Variants in ADAMTS6 observed in about 807,000 individuals in gnomAD.
ADAMTS6 encodes the protein A disintegrin and metalloproteinase with thrombospondin motifs 6.
In ADAMTS6, 23 loss-of-function variants were observed where a neutral mutation model predicts 144.3. The observed-to-expected ratio is 0.16, with a 90% CI of 0.11 to 0.23. The LOEUF (loss-of-function observed/expected upper bound fraction) is 0.23. Ranked by LOEUF, ADAMTS6 falls within the 10% of genes least tolerant of loss-of-function variation. The probability of loss-of-function intolerance (pLI) is 1.00; values close to 1 mark genes in which losing one functional copy is unlikely to be tolerated. For synonymous variants in ADAMTS6, 444 were observed against 457.5 expected (o/e 0.97, Z 0.38); for missense variants, 999 against 1,379.6 (o/e 0.72, Z 4.37).
intron 24 of ADAMTS6, among the ~76,000 whole-genome samples, chr5:65,154,498 C>A (rs1752303740): frequency 6.6e-6 from 1 of 152,192 alleles, no homozygotes; most frequent in Non-Finnish European, 1.5e-5. Context: ...TTATGAGTGT[C>A]CCCTGAGTTG....
rs554650070 is a variant in ADAMTS6 at position 65,183,317 on chromosome 5, A to G, written c.2910+4699T>C. 3.9e-5 allele frequency among the ~76,000 whole-genome samples: 6 copies of G among 152,322 alleles called. No homozygotes were observed. The East Asian group carries it at 1.2e-3, about 29-fold the overall frequency. On this transcript the variant is annotated intron_variant, in intron 22 of 24. Coordinates refer to ENST00000381055, the MANE Select transcript of ADAMTS6 (RefSeq NM_197941.4). ...AGTTTCAGTTGCCAACAATCAACTG[A>G]AGTCTGAAAATAGATGAGTACAGTA... is the stretch of plus-strand genomic sequence containing the variant.
chr5:65,304,952 C>T (rs961077753), intron 9 of ADAMTS6, among the ~76,000 whole-genome samples: 3 of 151,550 alleles, frequency 2.0e-5, no homozygotes, highest in Non-Finnish European at 4.4e-5. Context: ...TTGCTGGGGA[C>T]AATAAATGAA....
At chr5:65,416,943 C>A (rs187472612) in intron 7 of ADAMTS6, among the ~76,000 whole-genome samples, 6 of 151,886 alleles carry the variant, frequency 4.0e-5, no homozygotes, top group Admixed American at 1.3e-4. Context: ...AACTACAGAC[C>A]AATATCCCTG....
chr5:65,480,743 G>A (rs1305929426), intron 1 of ADAMTS6, among the ~76,000 whole-genome samples: 1 of 152,104 alleles, frequency 6.6e-6, no homozygotes, highest in African/African-American at 2.4e-5. Flanking sequence ...GCTCCGGAGG[G>A]TTATGAGTCT....
At chr5:65,462,633 T>C (rs1759709915) in intron 3 of ADAMTS6, among the ~76,000 whole-genome samples, 1 of 152,208 alleles carries the variant, frequency 6.6e-6, no homozygotes, top group Non-Finnish European at 1.5e-5. Context: ...TCTCTTATCC[T>C]CTAAGGGCTG....
chr5:65,412,630 A>G (rs1755146531), intron 7 of ADAMTS6, among the ~76,000 whole-genome samples: 2 of 152,204 alleles, frequency 1.3e-5, no homozygotes, highest in African/African-American at 2.4e-5. Flanking sequence ...GGCATTTTGC[A>G]TACATCTGCA....
rs116826904 is a variant in ADAMTS6 at position 65,313,326 on chromosome 5, A to G, written c.1224-13195T>C. On this transcript the variant is annotated intron_variant, in intron 9 of 24. Coordinates refer to ENST00000381055, the MANE Select transcript of ADAMTS6 (RefSeq NM_197941.4). Reference sequence around the variant, plus strand: ...TTTATTTTAATAACTTTTCTAAAGAATGTCTTTACGTTATTGTTTTAGCTA... The same window carrying G: ...TTTATTTTAATAACTTTTCTAAAGAGTGTCTTTACGTTATTGTTTTAGCTA... 9.2e-3 allele frequency among the ~76,000 whole-genome samples: 1,405 copies of G among 152,186 alleles called. 16 individuals carry two copies. The highest frequency in any genetic ancestry group is 0.032 in the African/African-American group (1,346 of 41,540).
At chr5:65,262,780 G>A in intron 13 of ADAMTS6, 37 bp downstream of exon 13, 1 of 1,474,626 alleles carries the variant, frequency 6.8e-7, no homozygotes, top group South Asian at 1.4e-5. Context: ...TTCCAACTGT[G>A]TCTTTTTGTT....
At chr5:65,344,125 C>G (rs1373440312) in intron 7 of ADAMTS6, among the ~76,000 whole-genome samples, 1 of 151,810 alleles carries the variant, frequency 6.6e-6, no homozygotes, top group African/African-American at 2.4e-5. Flanking sequence ...TTTGCCCTGG[C>G]AAAACTGTCC....
chr5:65,416,166 AC>A, intron 7 of ADAMTS6: 1 of 177,362 alleles, frequency 5.6e-6, no homozygotes, highest in South Asian at 1.4e-4. Context: ...CCCCATCAAG[AC>A]CCACTCCAGA....
At chr5:65,242,013 A>G (rs1759232962) in intron 15 of ADAMTS6, 91 bp downstream of exon 15, 2 of 820,950 alleles carry the variant, frequency 2.4e-6, no homozygotes, top group Non-Finnish European at 3.6e-6. Context: ...TAGTATGTAC[A>G]TGAATGTATG....
At chr5:65,455,329 G>C (rs1432354838) in intron 4 of ADAMTS6, among the ~76,000 whole-genome samples, 1 of 152,176 alleles carries the variant, frequency 6.6e-6, no homozygotes, top group Non-Finnish European at 1.5e-5. Context: ...GATCACCTGA[G>C]GTCAGAGCTT....
intron 7 of ADAMTS6, among the ~76,000 whole-genome samples, chr5:65,346,977 C>T (rs534019146): frequency 6.7e-6 from 1 of 149,324 alleles, no homozygotes; most frequent in South Asian, 2.1e-4. Context: ...CTTAGGAATA[C>T]ATTTAGCCAA....
intron 2 of ADAMTS6, 39 bp from the exon 3 acceptor site, chr5:65,471,181 C>G: frequency 1.9e-6 from 3 of 1,545,904 alleles, no homozygotes; most frequent in Non-Finnish European, 2.6e-6. Flanking sequence ...AAAAAAAACA[C>G]ATGGAAGAAA....
intron 11 of ADAMTS6, among the ~76,000 whole-genome samples, chr5:65,282,672 G>A (rs1248098521): frequency 6.6e-6 from 1 of 152,006 alleles, no homozygotes; most frequent in Non-Finnish European, 1.5e-5. Flanking sequence ...ACGAGAGTCA[G>A]GTTGGAATTT....
intron 1 of ADAMTS6, among the ~76,000 whole-genome samples, chr5:65,476,483 T>C (rs545100696): frequency 5.8e-4 from 88 of 152,344 alleles, no homozygotes; most frequent in Admixed American, 9.1e-4. Context: ...TATAAAACAA[T>C]AGAGCCCAGA....
At chr5:65,242,341 T>G (rs1439332883) in intron 14 of ADAMTS6, 135 bp from the exon 15 acceptor site, 7 of 537,384 alleles carry the variant, frequency 1.3e-5, no homozygotes, top group Non-Finnish European at 2.2e-5. Context: ...TTTGCTTTAC[T>G]GTTTTACAAT....
chr5:65,202,696 T>A (rs1440014607), intron 20 of ADAMTS6, among the ~76,000 whole-genome samples: 1 of 152,226 alleles, frequency 6.6e-6, no homozygotes, highest in Admixed American at 6.5e-5. Context: ...TCCTCACTGA[T>A]CTGAAGAACT....
At chr5:65,360,104 T>C (rs1014044207) in intron 7 of ADAMTS6, among the ~76,000 whole-genome samples, 16 of 152,188 alleles carry the variant, frequency 1.1e-4, no homozygotes, top group Non-Finnish European at 1.8e-4. Flanking sequence ...TTGGCTCATG[T>C]TCCACAGGCT....
Sources: gnomAD v4.1 joint callset for allele counts (sites outside exome capture counted in the v4.1 genomes callset) on GRCh38, gnomAD v4.1.1 for gene constraint, MANE v1.5 for transcripts, NCBI Gene and HGNC (gene_info 2026-07-23, HGNC 2026-07-21) for gene names.